The following AURKC variants were observed in gnomAD, a reference collection of about 807,000 sequenced individuals.
AURKC encodes ARK-3.
In AURKC, 15 loss-of-function variants were observed where a neutral mutation model predicts 29.2. The ratio of observed to expected loss-of-function variants is 0.51; its 90% CI spans 0.34 to 0.79. The LOEUF is 0.79. Ranked by LOEUF, AURKC falls within the 30% of genes least tolerant of loss-of-function variation. The pLI is 0.01. For synonymous variants in AURKC, 150 were observed against 149.9 expected, an observed-to-expected ratio of 1.00 and a Z score of -0.01; for missense variants, 332 against 383.2, an observed-to-expected ratio of 0.87 and a Z score of 1.12.
rs1334722774 is a variant in AURKC at position 57,232,263 on chromosome 19, C to T, written c.296+39C>T. 3 of 1,608,800 alleles carry T rather than the reference C, an allele frequency of 1.9e-6. No individual in the cohort carries two copies. The highest frequency in any genetic ancestry group is 2.5e-6 in the Non-Finnish European group (3 of 1,178,460). On this transcript the variant is annotated intron_variant, in intron 3 of 6. Coordinates refer to ENST00000302804, the MANE Select transcript of AURKC (RefSeq NM_001015878.2). This position sits in a 1 kb window ranked among gnomAD's most constrained non-coding sequence, Gnocchi z 4.5. ...CTGCTTCCTCTTTCATCTTTGACGTCTGAGCCCAGCATTTTCCCCAAATAC... is the reference window on the plus strand; with the variant it reads ...CTGCTTCCTCTTTCATCTTTGACGTTTGAGCCCAGCATTTTCCCCAAATAC...
In AURKC at chr19:57,233,000, G is replaced by GGCT. The variant is rs2087509331; in HGVS notation, c.435+320_435+321insGCT. ...TCTGAAGGAGTTCACTGAATAAATAGCTAGAACTGGCTTAGAGATAGGTAC... is the reference window on the plus strand; with the variant it reads ...TCTGAAGGAGTTCACTGAATAAATAGGCTCTAGAACTGGCTTAGAGATAGGTAC... On this transcript the variant is annotated intron_variant, in intron 4 of 6. Coordinates refer to ENST00000302804, the MANE Select transcript of AURKC (RefSeq NM_001015878.2). The surrounding 1 kb of genome is among the most constrained non-coding windows in gnomAD (Gnocchi z 4.5). Among the ~76,000 whole-genome samples, 1 of 152,132 alleles carries GGCT rather than the reference G, an allele frequency of 6.6e-6. No homozygotes were observed. The highest frequency in any genetic ancestry group is 2.4e-5 in the African/African-American group (1 of 41,424).
At chr19:57,231,951 GA>G in intron 2 of AURKC, 81 bp from the exon 3 acceptor site, 2 of 1,603,008 alleles carry the variant, frequency 1.2e-6, no homozygotes, top group East Asian at 4.5e-5. Flanking sequence ...AATGAAAGAG[GA>G]AGGGGAGCAT....
At chr19:57,231,379 A>C (rs1338428631) in intron 1 of AURKC, 73 bp downstream of exon 1, 2 of 1,473,042 alleles carry the variant, frequency 1.4e-6, no homozygotes, top group Non-Finnish European at 1.8e-6. Flanking sequence ...CACAGAAGAC[A>C]CATGTGTTGA....
Position 57,232,252 on chromosome 19 carries a change from A to G in AURKC, c.296+28A>G, listed in dbSNP as rs758780366. The G allele has an allele frequency of 6.2e-7, 1 of 1,612,024 alleles. No homozygotes were observed. Among genetic ancestry groups the G allele is most frequent in the Non-Finnish European group, 8.5e-7 (1 of 1,179,734 alleles). ...AAGGACAGTCTCTGCTTCCTCTTTC[A>G]TCTTTGACGTCTGAGCCCAGCATTT... On this transcript the variant is annotated intron_variant, in intron 3 of 6. Transcript: ENST00000302804. The surrounding 1 kb of genome is among the most constrained non-coding windows in gnomAD (Gnocchi z 4.5).
chr19:57,234,793 G>A (rs1211907864), intron 5 of AURKC, 91 bp from the exon 6 acceptor site: 3 of 1,510,026 alleles, frequency 2.0e-6, no homozygotes, highest in East Asian at 2.3e-5. Context: ...GTGTCCTAGG[G>A]TCTCCACATC....
chr19:57,231,256 C>G lies in AURKC; in HGVS notation c.8C>G (p.Ser3Cys). The change falls in exon 1 of 7, where the codon TCC (serine) becomes TGC (cysteine). Residue 3 changes from serine to cysteine, a missense_variant. Physicochemically the swap from Ser to Cys is moderately radical, Grantham distance 112. Transcript: ENST00000302804. MSSPRAVVQLGKA... is the reference protein window; with the variant it reads MSCPRAVVQLGKA... ...CCCTCACCTCTTCTCCCCATGAGCT[C>G]CCCCAGAGCTGTGGTGCAGCTGGGC... 6.4e-7 allele frequency: 1 copy of G among 1,552,052 alleles called. No homozygotes were observed. Among genetic ancestry groups the G allele is most frequent in the Non-Finnish European group, 8.7e-7 (1 of 1,147,184 alleles).
intron 2 of AURKC, 57 bp downstream of exon 2, chr19:57,231,844 A>G (rs1268271445): frequency 2.5e-6 from 4 of 1,613,878 alleles, no homozygotes; most frequent in Non-Finnish European, 3.4e-6. Flanking sequence ...GTGGGGATGA[A>G]GAACAGACTG....
rs1197375781 is a variant in AURKC, at chr19:57,232,497, T to C, written c.297-45T>C. 2 of 1,613,772 alleles carry C rather than the reference T, an allele frequency of 1.2e-6. No individual in the cohort carries two copies. Among genetic ancestry groups the C allele is most frequent in the Non-Finnish European group, 1.7e-6 (2 of 1,179,944 alleles). On this transcript the variant is annotated intron_variant, in intron 3 of 6. Transcript: ENST00000302804. The surrounding 1 kb of genome is among the most constrained non-coding windows in gnomAD (Gnocchi z 4.5). ...AGGCAGTGACGGTGGCATCATATGA[T>C]AGGCCTCAGGGAGAAATCTGACTCT...
chr19:57,234,734 T>C (rs929077160), intron 5 of AURKC, 150 bp from the exon 6 acceptor site: 1 of 797,918 alleles, frequency 1.3e-6, no homozygotes, highest in African/African-American at 1.7e-5. Context: ...TTGATCCATA[T>C]TAAAAATTTG....
In AURKC at chr19:57,231,259, C is replaced by T. The variant is rs553335951; in HGVS notation, c.11C>T (p.Pro4Leu). 13 of 1,552,170 alleles carry T rather than the reference C, an allele frequency of 8.4e-6. No individual in the cohort carries two copies. Among genetic ancestry groups the T allele is most frequent in the South Asian group, 4.8e-5 (4 of 84,080 alleles). ...TCACCTCTTCTCCCCATGAGCTCCC[C>T]CAGAGCTGTGGTGCAGCTGGGCAAA... MSS[P>L]RAVVQLGKAQ... The change falls in exon 1 of 7, where the codon CCC becomes CTC. Residue 4 changes from proline to leucine, a missense_variant. Transcript: ENST00000302804.
intron 5 of AURKC, among the ~76,000 whole-genome samples, chr19:57,234,063 T>G (rs2087521664): frequency 1.3e-5 from 2 of 148,836 alleles, no homozygotes; most frequent in Admixed American, 6.7e-5. Flanking sequence ...CTTTTTTTTT[T>G]TTTTTTTTTT....
chr19:57,231,303 G>T lies in AURKC; in HGVS notation c.55G>T (p.Glu19Ter). ...QLGKAQPAGE[E>*]LATANQTAQQ... ...GGGCAAAGCTCAACCTGCAGGCGAA[G>T]AGTGTGAGAGCCAGCGCCAGAGAAA... The change falls in exon 1 of 7, where the codon GAG (glutamate) becomes TAG (stop). Residue 19 changes from glutamate to a stop codon, truncating the protein, a stop_gained. Transcript: ENST00000302804. LOFTEE classifies it high-confidence loss of function. 6.4e-7 allele frequency: 1 copy of T among 1,553,016 alleles called. No homozygotes were observed.
chr19:57,235,262 C>T lies in AURKC; in HGVS notation c.775C>T (p.Pro259Ser). Residue 259 changes from proline to serine, a missense_variant, in exon 7 of 7, where the codon CCA becomes TCA. Transcript: ENST00000302804. ...GCCTCATCAGGTAGATGTGAGGTTT[C>T]CACTATCAATGCCTCTGGGGGCCCG... ...RRILKVDVRF[P>S]LSMPLGARDL... The T allele has an allele frequency of 6.2e-7, 1 of 1,614,224 alleles. No individual in the cohort carries two copies. Among genetic ancestry groups the T allele is most frequent in the Non-Finnish European group, 8.5e-7 (1 of 1,180,036 alleles).
In AURKC at chr19:57,232,268, C is replaced by G. The variant is rs1353774119; in HGVS notation, c.296+44C>G. 1 of 1,605,938 alleles carries G rather than the reference C, an allele frequency of 6.2e-7. No individual in the cohort carries two copies. Among genetic ancestry groups the G allele is most frequent in the South Asian group, 1.1e-5 (1 of 90,430 alleles). ...TCCTCTTTCATCTTTGACGTCTGAGCCCAGCATTTTCCCCAAATACTAACC... is the reference window on the plus strand; with the variant it reads ...TCCTCTTTCATCTTTGACGTCTGAGGCCAGCATTTTCCCCAAATACTAACC... On this transcript the variant is annotated intron_variant, in intron 3 of 6. Transcript: ENST00000302804. This position sits in a 1 kb window ranked among gnomAD's most constrained non-coding sequence, Gnocchi z 4.5.
intron 6 of AURKC, 72 bp downstream of exon 6, chr19:57,235,130 C>A: frequency 6.2e-7 from 1 of 1,610,928 alleles, no homozygotes; most frequent in Non-Finnish European, 8.5e-7. Context: ...GGCACACACA[C>A]ACACAGGGTT....
At position 57,231,261 on chromosome 19, in the gene AURKC, A is replaced by G. The variant is rs141765733; in HGVS notation, c.13A>G (p.Arg5Gly). 3.7e-5 allele frequency: 58 copies of G among 1,551,936 alleles called. No individual in the cohort carries two copies. The African/African-American group carries it at 5.5e-4, about 15-fold the overall frequency. The change falls in exon 1 of 7, where the codon AGA (arginine) becomes GGA (glycine). Residue 5 changes from arginine to glycine, a missense_variant. Physicochemically the swap from Arg to Gly is moderately radical, Grantham distance 125. Coordinates refer to ENST00000302804, the MANE Select transcript of AURKC (RefSeq NM_001015878.2). ...ACCTCTTCTCCCCATGAGCTCCCCC[A>G]GAGCTGTGGTGCAGCTGGGCAAAGC... Reference protein sequence around the residue: MSSPRAVVQLGKAQP... With the variant: MSSPGAVVQLGKAQP...
Position 57,235,074 on chromosome 19 carries a change from T to C in AURKC, c.759+16T>C. On this transcript the variant is annotated intron_variant, in intron 6 of 6. Coordinates refer to ENST00000302804, the MANE Select transcript of AURKC (RefSeq NM_001015878.2). ...CATCCTCAAGGTGGGACAGTCACCT[T>C]TGGGCATTCATGGGGGAGCTGGTCA... 6.2e-7 allele frequency: 1 copy of C among 1,614,056 alleles called. No individual in the cohort carries two copies. The highest frequency in any genetic ancestry group is 8.5e-7 in the Non-Finnish European group (1 of 1,180,040).
intron 1 of AURKC, 149 bp downstream of exon 1, chr19:57,231,455 ATTCT>A: frequency 1.1e-5 from 10 of 942,290 alleles, no homozygotes; most frequent in East Asian, 2.7e-5. Flanking sequence ...CTTCCCTCCA[ATTCT>A]TTCTTTCACC....
At chr19:57,233,394 T>G (rs1599974254) in intron 4 of AURKC, 66 bp from the exon 5 acceptor site, 2 of 1,607,438 alleles carry the variant, frequency 1.2e-6, no homozygotes, top group East Asian at 4.5e-5. Context: ...TCATGGTAAG[T>G]GTTCCACCTC....
Sources: gnomAD v4.1 joint callset for allele counts (sites outside exome capture counted in the v4.1 genomes callset) on GRCh38, gnomAD v4.1.1 for gene constraint, Gnocchi (gnomAD v3.1) non-coding constraint, MANE v1.5 for transcripts, NCBI Gene and HGNC (gene_info 2026-07-23, HGNC 2026-07-21) for gene names.